TOGARAM2: variants seen among roughly 807,000 people sequenced by gnomAD.
The protein encoded by TOGARAM2 is TOG array regulator of axonemal microtubules 2.
In TOGARAM2, 85 loss-of-function variants were observed where a neutral mutation model predicts 93.3. The ratio of observed to expected loss-of-function variants is 0.91; its 90% CI spans 0.76 to 1.09. The LOEUF (loss-of-function observed/expected upper bound fraction) is 1.09, where lower values mean the gene tolerates loss of function less well. Among genes scored for constraint, TOGARAM2 ranks in the 50% least tolerant of loss-of-function variants. The pLI is 0.00. For missense variants in TOGARAM2, 1,277 were observed against 1,334.5 expected (o/e 0.96, Z 0.67); for synonymous variants, 593 against 552.8 (o/e 1.07, Z -1.02).
chr2:28,997,443 AT>A (rs1673048900), intron 2 of TOGARAM2, among the ~76,000 whole-genome samples: 1 of 152,074 alleles, frequency 6.6e-6, no homozygotes, highest in African/African-American at 2.4e-5. Context: ...CCGCACTGTC[AT>A]TGCTTCTTAA....
intron 14 of TOGARAM2, among the ~76,000 whole-genome samples, chr2:29,032,420 C>T (rs1665821676): frequency 6.6e-6 from 1 of 152,218 alleles, no homozygotes; most frequent in Admixed American, 6.5e-5. Context: ...TGAAGCCCTC[C>T]TTGATTCCCT....
chr2:28,999,228 T>C lies in TOGARAM2; in HGVS notation c.187T>C (p.Ser63Pro). ...PRALLNNEEP[S>P]QLLRGLGQLG... ...AGCCCTGCTGAACAACGAGGAACCG[T>C]CACAGCTCCTGCGTGGACTCGGACA... is the stretch of plus-strand genomic sequence containing the variant. The change falls in exon 4 of 20, where the codon TCA becomes CCA. Residue 63 changes from serine to proline, a missense_variant. Ser to Pro is a moderately conservative substitution (Grantham distance 74). Coordinates refer to ENST00000379558, the MANE Select transcript of TOGARAM2 (RefSeq NM_199280.4). 1.2e-6 allele frequency: 2 copies of C among 1,613,828 alleles called. No individual in the cohort carries two copies. The highest frequency in any genetic ancestry group is 1.7e-6 in the Non-Finnish European group (2 of 1,179,828).
At chr2:29,033,836 G>A (rs1306867045) in intron 16 of TOGARAM2, among the ~76,000 whole-genome samples, 2 of 152,162 alleles carry the variant, frequency 1.3e-5, no homozygotes, top group East Asian at 1.9e-4. Flanking sequence ...ACTAGCATCG[G>A]TGGTTGGACT....
Position 29,035,604 on chromosome 2 carries a change from T to A in TOGARAM2, c.2366T>A (p.Leu789His). ...TCCCGGATGGAAGGCGTGGGGCAGC[T>A]CCTGGAGCTCTGCAAGGCCAAGACG... ...FRSRMEGVGQLLELCKAKTEL... is the reference protein window; with the variant it reads ...FRSRMEGVGQHLELCKAKTEL... The change falls in exon 17 of 20, where the codon CTC becomes CAC. Residue 789 changes from leucine (L) to histidine (H), a missense_variant. Leu to His is a moderately conservative substitution (Grantham distance 99). Coordinates refer to ENST00000379558, the MANE Select transcript of TOGARAM2 (RefSeq NM_199280.4). 6.3e-7 allele frequency: 1 copy of A among 1,577,804 alleles called. No individual in the cohort carries two copies. The highest frequency in any genetic ancestry group is 8.6e-7 in the Non-Finnish European group (1 of 1,161,774).
chr2:28,958,647 T>G (rs766802994), intron 1 of TOGARAM2, among the ~76,000 whole-genome samples: 7 of 152,164 alleles, frequency 4.6e-5, no homozygotes, highest in Non-Finnish European at 1.0e-4. Context: ...TGTATTGGCT[T>G]TTTGCTGTTC....
intron 1 of TOGARAM2, among the ~76,000 whole-genome samples, chr2:28,966,629 T>C (rs1443797336): frequency 6.6e-6 from 1 of 152,194 alleles, no homozygotes; most frequent in Admixed American, 6.5e-5. Context: ...TGTATATAAA[T>C]AATCCATGTT....
intron 7 of TOGARAM2, 72 bp from the exon 8 acceptor site, chr2:29,014,323 C>T: frequency 6.6e-7 from 1 of 1,526,132 alleles, no homozygotes; most frequent in Non-Finnish European, 8.9e-7. Flanking sequence ...TAGAATTGAG[C>T]CAGCCACAGG....
chr2:29,009,589 G>C (rs1289321977), intron 6 of TOGARAM2, among the ~76,000 whole-genome samples: 1 of 152,102 alleles, frequency 6.6e-6, no homozygotes, highest in Non-Finnish European at 1.5e-5. Context: ...GGCTGAAGAT[G>C]GGGGAGCTGA....
chr2:29,001,520 A>T (rs1293559785), intron 4 of TOGARAM2, among the ~76,000 whole-genome samples: 25 of 144,866 alleles, frequency 1.7e-4, no homozygotes, highest in Middle Eastern at 3.5e-3. Flanking sequence ...TTTTTTTTTG[A>T]GACCGAGTCT....
At chr2:29,006,147 G>A (rs1480043805) in intron 6 of TOGARAM2, among the ~76,000 whole-genome samples, 5 of 146,032 alleles carry the variant, frequency 3.4e-5, no homozygotes, top group Non-Finnish European at 7.5e-5. Flanking sequence ...GAGCATGCAT[G>A]TGCGTAAGTA....
intron 6 of TOGARAM2, among the ~76,000 whole-genome samples, chr2:29,007,361 A>G (rs575922923): frequency 5.3e-5 from 8 of 152,150 alleles, no homozygotes; most frequent in African/African-American, 1.7e-4. Context: ...AGACCTCCTC[A>G]TTGCTGTCAA....
intron 2 of TOGARAM2, among the ~76,000 whole-genome samples, chr2:28,996,264 TTC>T (rs1264012655): frequency 6.6e-6 from 1 of 152,158 alleles, no homozygotes; most frequent in Non-Finnish European, 1.5e-5. Context: ...AACATTCCAA[TTC>T]TAGCTATTTT....
chr2:28,967,458 G>A (rs1671883120), intron 1 of TOGARAM2, among the ~76,000 whole-genome samples: 1 of 152,120 alleles, frequency 6.6e-6, no homozygotes, highest in South Asian at 2.1e-4. Context: ...CTGGGTGACA[G>A]AGAGAGATCC....
chr2:29,024,133 T>C lies in TOGARAM2; in HGVS notation c.1618-6T>C. 1.3e-6 allele frequency: 2 copies of C among 1,563,756 alleles called. No homozygotes were observed. The highest frequency in any genetic ancestry group is 1.2e-5 in the South Asian group (1 of 84,814). On this transcript the variant is annotated splice_region_variant and splice_polypyrimidine_tract_variant and intron_variant, in intron 12 of 19. Coordinates refer to ENST00000379558, the MANE Select transcript of TOGARAM2 (RefSeq NM_199280.4). The stretch of plus-strand genomic sequence containing the variant: ...CACCCTGGAGGGCCTCTCTCCTCTC[T>C]CCAAGGTCACCAACCTGCGGTCCAA...
At chr2:29,019,488 C>T (rs773165161) in intron 10 of TOGARAM2, among the ~76,000 whole-genome samples, 10 of 152,092 alleles carry the variant, frequency 6.6e-5, no homozygotes, top group South Asian at 2.1e-4. Context: ...CATTTTATAG[C>T]AGCAGAACTG....
At chr2:29,039,115 A>G (rs1047784425) in intron 18 of TOGARAM2, among the ~76,000 whole-genome samples, 1 of 152,190 alleles carries the variant, frequency 6.6e-6, no homozygotes, top group Non-Finnish European at 1.5e-5. Flanking sequence ...GAGAAGGGGT[A>G]TGAAGTCTTC....
Position 29,035,528 on chromosome 2 carries a change from G to A in TOGARAM2, c.2290G>A (p.Val764Met), listed in dbSNP as rs149588231. The A allele has an allele frequency of 7.8e-4, 1,221 of 1,568,956 alleles. No homozygotes were observed. The highest frequency in any genetic ancestry group is 1.0e-3 in the Non-Finnish European group (1,164 of 1,157,352). ...RSTLQGRGEM[V>M]EQLRELTRLL... The stretch of plus-strand genomic sequence containing the variant: ...CACACTGCAGGGCCGCGGGGAGATG[G>A]TGGAGCAGCTACGGGAGCTGACACG... Residue 764 changes from valine (V) to methionine (M), a missense_variant, in exon 17 of 20, where the codon GTG becomes ATG. Val to Met is a conservative substitution (Grantham distance 21, BLOSUM62 1). Transcript: ENST00000379558.
At chr2:28,980,960 G>A (rs1229509483), upstream of TOGARAM2, among the ~76,000 whole-genome samples, 1 of 152,238 alleles carries the variant, frequency 6.6e-6, no homozygotes, top group Non-Finnish European at 1.5e-5. Flanking sequence ...CTGCTGCCAA[G>A]GCCTGGATGC....
chr2:28,973,097 C>T (rs1319985811), intron 1 of TOGARAM2, among the ~76,000 whole-genome samples: 2 of 152,194 alleles, frequency 1.3e-5, no homozygotes, highest in East Asian at 3.8e-4. Flanking sequence ...CCTGCACCTT[C>T]ACATCCTCTT....
Sources: gnomAD v4.1 joint callset for allele counts (sites outside exome capture counted in the v4.1 genomes callset) on GRCh38, gnomAD v4.1.1 for gene constraint, MANE v1.5 for transcripts, NCBI Gene and HGNC (gene_info 2026-07-23, HGNC 2026-07-21) for gene names.